Variants in PDIA6 observed in about 807,000 individuals in gnomAD.
PDIA6 encodes protein disulfide-isomerase A6.
Under a neutral mutation model 58.4 loss-of-function variants are expected in PDIA6, and 29 were observed. The ratio of observed to expected loss-of-function variants is 0.50; its 90% CI spans 0.37 to 0.68. PDIA6 has a LOEUF of 0.68. Among genes scored for constraint, PDIA6 ranks in the 30% least tolerant of loss-of-function variants. The pLI is 0.00. For synonymous variants in PDIA6, 192 were observed against 202.6 expected (o/e 0.95, Z 0.44); for missense variants, 480 against 551.0 (o/e 0.87, Z 1.29).
intron 12 of PDIA6, 51 bp downstream of exon 12, chr2:10,784,883 A>G: frequency 7.6e-7 from 1 of 1,317,430 alleles, no homozygotes. Flanking sequence ...CACAGGCTCA[A>G]GAGAGTAAAC....
At chr2:10,797,582 T>C (rs1247995434) in intron 3 of PDIA6, 118 bp downstream of exon 3, 12 of 716,826 alleles carry the variant, frequency 1.7e-5, no homozygotes, top group African/African-American at 7.1e-5. Context: ...TAGCTTCCCA[T>C]TGAACATTAA....
intron 2 of PDIA6, among the ~76,000 whole-genome samples, chr2:10,801,630 C>T (rs974437221): frequency 6.6e-6 from 1 of 152,228 alleles, no homozygotes; most frequent in Non-Finnish European, 1.5e-5. Flanking sequence ...GGACAGGACG[C>T]ACAATGTGGC....
chr2:10,812,801 G>T (rs1667066659), upstream of PDIA6: 4 of 1,207,798 alleles, frequency 3.3e-6, no homozygotes, highest in South Asian at 3.8e-5. Flanking sequence ...AGGCCAGTCC[G>T]GTGGTCCGAG....
chr2:10,789,980 A>T, intron 7 of PDIA6, 91 bp from the exon 8 acceptor site: 6 of 826,778 alleles, frequency 7.3e-6, no homozygotes, highest in East Asian at 3.1e-5. Flanking sequence ...CTTATAGGTA[A>T]TTTTTTTTTT....
At chr2:10,806,622 T>TAAAGACAAAGACAGAAAGACAGAAAG in intron 1 of PDIA6, among the ~76,000 whole-genome samples, 1 of 48,760 alleles carries the variant, frequency 2.1e-5, no homozygotes, top group Admixed American at 2.5e-4. Context: ...TCCTAAAAAA[T>TAAAGACAAAGACAGAAAGACAGAAAG]AAAGACAGAA....
chr2:10,820,949 C>T (rs1667369307), intron 1 of PDIA6: 1 of 682,784 alleles, frequency 1.5e-6, no homozygotes. Flanking sequence ...GCTGCCACTT[C>T]AGGACCTGGG....
chr2:10,831,030 G>A (rs997520595), intron 1 of PDIA6, among the ~76,000 whole-genome samples: 1 of 152,234 alleles, frequency 6.6e-6, no homozygotes, highest in African/African-American at 2.4e-5. Context: ...GGCTGGCGGG[G>A]AGGGCCCTTG....
In PDIA6 at chr2:10,825,630, A is replaced by G. The variant is rs569589785; in HGVS notation, c.-47-6276T>C. On this transcript the variant is annotated intron_variant, in intron 1 of 13. Coordinates refer to the PDIA6 transcript ENST00000381611. ...TAAGGAATGATTACAACTCAATAAT[A>G]AGAAGACAAAAGAACCAATTTAAAA... Among the ~76,000 whole-genome samples, 13 of 152,348 alleles carry G rather than the reference A, an allele frequency of 8.5e-5. 2 individuals carry two copies. In the South Asian group the frequency reaches 1.9e-3, roughly 22 times the overall value.
upstream of PDIA6, among the ~76,000 whole-genome samples, chr2:10,835,777 C>T (rs1250785168): frequency 2.0e-5 from 3 of 152,176 alleles, no homozygotes; most frequent in South Asian, 2.1e-4. Context: ...GGGGGCCGGG[C>T]GCGGTGGCTC....
chr2:10,810,242 C>G (rs1327809124), intron 1 of PDIA6: 1 of 1,419,442 alleles, frequency 7.0e-7, no homozygotes, highest in Non-Finnish European at 9.6e-7. Flanking sequence ...GGATAACTTA[C>G]CTAAGATCAT....
At chr2:10,785,212 A>G (rs1665660087) in intron 11 of PDIA6, 182 bp from the exon 12 acceptor site, 3 of 556,120 alleles carry the variant, frequency 5.4e-6, no homozygotes, top group Non-Finnish European at 9.6e-6. Context: ...CACGGACAAC[A>G]TTACAACCAG....
rs1553339930 is a variant in PDIA6, at chr2:10,806,628, C to CGAAAGAAAGAAAGAAAGAAAGAA, written c.20-3989_20-3988insTTCTTTCTTTCTTTCTTTCTTTC. On this transcript the variant is annotated intron_variant, in intron 1 of 12. Coordinates refer to ENST00000272227, the MANE Select transcript of PDIA6 (RefSeq NM_005742.4). The stretch of plus-strand genomic sequence containing the variant: ...AACCACATCTCCTAAAAAATAAAGA[C>CGAAAGAAAGAAAGAAAGAAAGAA]AGAAAGAAAGAAAGAAAGAAAAACG... 3.0e-4 allele frequency among the ~76,000 whole-genome samples: 21 copies of CGAAAGAAAGAAAGAAAGAAAGAA among 70,338 alleles called. 4 individuals are homozygous for CGAAAGAAAGAAAGAAAGAAAGAA. Among genetic ancestry groups the CGAAAGAAAGAAAGAAAGAAAGAA allele is most frequent in the South Asian group, 1.0e-3 (2 of 1,924 alleles). The allele number at this position is 70,338 out of a possible 152,430, so 46.1% of individuals were successfully genotyped here.
chr2:10,786,055 G>C (rs1665722583), intron 11 of PDIA6, among the ~76,000 whole-genome samples: 1 of 152,142 alleles, frequency 6.6e-6, no homozygotes, highest in South Asian at 2.1e-4. Context: ...AGGCGTGGTG[G>C]CTCACACCTG....
chr2:10,822,979 C>T (rs1050381215), intron 1 of PDIA6: 5 of 152,188 alleles, frequency 3.3e-5, no homozygotes, highest in African/African-American at 4.8e-5. Context: ...GTGCTGTATC[C>T]CCATGGCTTA....
chr2:10,822,492 G>A (rs1476408901), intron 1 of PDIA6, among the ~76,000 whole-genome samples: 2 of 152,100 alleles, frequency 1.3e-5, no homozygotes, highest in African/African-American at 2.4e-5. Flanking sequence ...TCGATCTCCT[G>A]ACCTCGTGAT....
upstream of PDIA6, among the ~76,000 whole-genome samples, chr2:10,816,075 G>GTTTTT (rs1667182899): frequency 3.8e-5 from 3 of 78,082 alleles, no homozygotes; most frequent in African/African-American, 1.0e-4. Flanking sequence ...GAAATCATTT[G>GTTTTT]TCTTTTTTTT....
Position 10,797,280 on chromosome 2 carries a change from TCA to T in PDIA6, c.220-75_220-74del. The T allele has an allele frequency of 2.0e-6, 3 of 1,472,232 alleles. No homozygotes were observed. In the South Asian group the frequency reaches 3.8e-5, roughly 19 times the overall value. The allele number at this position is 1,472,232 out of a possible 1,614,324, so 91.2% of individuals were successfully genotyped here. On this transcript the variant is annotated intron_variant, in intron 3 of 12. Coordinates refer to ENST00000272227, the MANE Select transcript of PDIA6 (RefSeq NM_005742.4). Reference sequence around the variant, plus strand: ...ACTCCACAAGAACTCATTATCTGCTTCACATAGACTCAGAAAAAGGTAATAAA... The same window carrying T: ...ACTCCACAAGAACTCATTATCTGCTTCATAGACTCAGAAAAAGGTAATAAA...
chr2:10,827,735 A>C (rs1372322371), intron 1 of PDIA6, among the ~76,000 whole-genome samples: 2 of 151,652 alleles, frequency 1.3e-5, no homozygotes, highest in Non-Finnish European at 2.9e-5. Flanking sequence ...GAGGCAGGAG[A>C]ATTACTTGAA....
intron 1 of PDIA6, chr2:10,810,554 G>T (rs1235027825): frequency 2.6e-6 from 2 of 762,272 alleles, no homozygotes; most frequent in Non-Finnish European, 3.4e-6. Flanking sequence ...AGGGACCTTT[G>T]TTTGTCTTTA....
Sources: gnomAD v4.1 joint callset for allele counts (sites outside exome capture counted in the v4.1 genomes callset) on GRCh38, gnomAD v4.1.1 for gene constraint, MANE v1.5 for transcripts, NCBI Gene and HGNC (gene_info 2026-07-23, HGNC 2026-07-21) for gene names.